The following PAX7 variants were observed in gnomAD, a reference collection of about 807,000 sequenced individuals.
The protein encoded by PAX7 is paired box protein Pax-7.
In PAX7, 18 loss-of-function variants were observed where a neutral mutation model predicts 50.7. The observed-to-expected ratio is 0.36, with a 90% CI of 0.25 to 0.53. PAX7 has a LOEUF of 0.53. PAX7 is among the 20% of genes least tolerant of loss of function. PAX7 has a pLI of 0.93. For synonymous variants in PAX7, 310 were observed against 290.4 expected, an observed-to-expected ratio of 1.07 and a Z score of -0.69; for missense variants, 644 against 702.9, an observed-to-expected ratio of 0.92 and a Z score of 0.95.
intron 1 of PAX7, among the ~76,000 whole-genome samples, chr1:18,633,791 G>C (rs1557498180): frequency 6.6e-6 from 1 of 152,164 alleles, no homozygotes; most frequent in Non-Finnish European, 1.5e-5. Context: ...CAACAAACTG[G>C]ATCATTCATG....
At chr1:18,734,278 C>A (rs1462988343) in intron 7 of PAX7, among the ~76,000 whole-genome samples, 1 of 152,172 alleles carries the variant, frequency 6.6e-6, no homozygotes, top group Non-Finnish European at 1.5e-5. Context: ...GGCAGATTAT[C>A]AGCAAAGCCG....
chr1:18,748,425 C>T lies in PAX7; in HGVS notation c.*3496C>T, dbSNP rs561512401. On this transcript the variant is annotated 3_prime_UTR_variant, in exon 9 of 9. Coordinates refer to ENST00000420770, the MANE Select transcript of PAX7 (RefSeq NM_001135254.2). ...GGGGGTACACAGGTCTTCTCTCCTC[C>T]CCTCCTGCAGAGGCACCAAAACCAA... 8.6e-6 allele frequency: 2 copies of T among 231,904 alleles called. No individual in the cohort carries two copies. Among genetic ancestry groups the T allele is most frequent in the African/African-American group, 2.2e-5 (1 of 45,352 alleles). 14.4% of individuals were successfully genotyped at this position (231,904 alleles called of 1,614,324 possible).
chr1:18,712,126 GGTGTGAACTGATGGTCA>G (rs1166674003), intron 7 of PAX7, among the ~76,000 whole-genome samples: 1 of 36,046 alleles, frequency 2.8e-5, no homozygotes, highest in Non-Finnish European at 6.6e-5. Context: ...CCAAGGCGTA[GGTGTGAACTGATGGTCA>G]GTGTGAATTG....
intron 4 of PAX7, among the ~76,000 whole-genome samples, chr1:18,676,783 G>A (rs1310263907): frequency 6.6e-6 from 1 of 152,148 alleles, no homozygotes; most frequent in Non-Finnish European, 1.5e-5. Flanking sequence ...CCAGCAACAG[G>A]CATTGTTGAG....
chr1:18,672,361 A>G (rs2088761530), intron 4 of PAX7, among the ~76,000 whole-genome samples: 1 of 150,158 alleles, frequency 6.7e-6, no homozygotes, highest in Non-Finnish European at 1.5e-5. Flanking sequence ...TAAGATTCTT[A>G]TAATAAAATA....
At chr1:18,731,816 C>T (rs573855815) in intron 7 of PAX7, among the ~76,000 whole-genome samples, 15 of 152,248 alleles carry the variant, frequency 9.9e-5, no homozygotes, top group African/African-American at 2.9e-4. Context: ...AATCCCATTA[C>T]GGGAAAAGCT....
intron 4 of PAX7, among the ~76,000 whole-genome samples, chr1:18,661,753 C>T (rs1479874193): frequency 6.6e-6 from 1 of 152,212 alleles, no homozygotes; most frequent in Non-Finnish European, 1.5e-5. Flanking sequence ...CTGGGCCTGG[C>T]CTTTGAAGCT....
chr1:18,674,047 T>A (rs2088791212), intron 4 of PAX7, among the ~76,000 whole-genome samples: 1 of 152,214 alleles, frequency 6.6e-6, no homozygotes. Flanking sequence ...AACAATCACG[T>A]TGGCTTGAAG....
chr1:18,664,746 G>T (rs2088644584), intron 4 of PAX7, among the ~76,000 whole-genome samples: 1 of 152,108 alleles, frequency 6.6e-6, no homozygotes, highest in African/African-American at 2.4e-5. Context: ...GATCAGGAAG[G>T]TGAGCCCCCG....
chr1:18,681,503 C>A (rs1250655904), intron 4 of PAX7, among the ~76,000 whole-genome samples: 5 of 152,080 alleles, frequency 3.3e-5, no homozygotes, highest in Non-Finnish European at 7.3e-5. Flanking sequence ...CTACACAGTA[C>A]CATTTCCAGC....
chr1:18,724,890 C>T (rs948491048), intron 7 of PAX7, among the ~76,000 whole-genome samples: 6 of 152,180 alleles, frequency 3.9e-5, no homozygotes, highest in Non-Finnish European at 8.8e-5. Flanking sequence ...GCCACATAGC[C>T]ACAGCAAGGC....
chr1:18,650,121 A>C (rs1160748211), intron 4 of PAX7, among the ~76,000 whole-genome samples: 1 of 152,188 alleles, frequency 6.6e-6, no homozygotes. Context: ...TTCCCATCCA[A>C]GGCTACTCTG....
chr1:18,748,730 C>T lies in PAX7; in HGVS notation c.*3801C>T, dbSNP rs1252573119. The T allele has an allele frequency of 1.3e-5, 3 of 230,986 alleles. No individual in the cohort carries two copies. The highest frequency in any genetic ancestry group is 6.1e-5 in the East Asian group (1 of 16,372). The allele number at this position is 230,986 out of a possible 1,614,324, so 14.3% of individuals were successfully genotyped here. A position where few individuals can be genotyped will look rare whatever the true frequency, so the allele number is the denominator to read the frequency against. On this transcript the variant is annotated 3_prime_UTR_variant, in exon 9 of 9. Transcript: ENST00000420770. ...CGTGAGGTGTGTGTTTAAATATAAT[C>T]ACACCATAATTTATTCAGCTATATG...
At position 18,643,880 on chromosome 1, in the gene PAX7, AC is replaced by A. The variant is rs566728089; in HGVS notation, c.586+7512del. ...GCGGGAGGCCGGGTTCTGCGCTCCAACCCGGGGCGCTGGGCAGGGGCCAGCC... is the reference window on the plus strand; with the variant it reads ...GCGGGAGGCCGGGTTCTGCGCTCCAACCGGGGCGCTGGGCAGGGGCCAGCC... On this transcript the variant is annotated intron_variant, in intron 4 of 8. Transcript: ENST00000420770. 3.4e-4 allele frequency among the ~76,000 whole-genome samples: 52 copies of A among 151,664 alleles called. No individual in the cohort carries two copies. In the East Asian group the frequency reaches 0.01, roughly 29 times the overall value.
At chr1:18,667,005 C>T (rs544074955) in intron 4 of PAX7, among the ~76,000 whole-genome samples, 12 of 152,202 alleles carry the variant, frequency 7.9e-5, no homozygotes, top group South Asian at 4.1e-4. Flanking sequence ...GTCCCTGAGA[C>T]GCTCCGTAGC....
chr1:18,737,880 G>A (rs377261879), intron 8 of PAX7, among the ~76,000 whole-genome samples: 5 of 152,344 alleles, frequency 3.3e-5, no homozygotes, highest in South Asian at 4.1e-4. Context: ...ATATGTATGC[G>A]TGTGTATAGA....
chr1:18,715,588 G>C (rs553416462), intron 7 of PAX7, among the ~76,000 whole-genome samples: 1 of 152,260 alleles, frequency 6.6e-6, no homozygotes, highest in African/African-American at 2.4e-5. Context: ...GAGCAGGGGG[G>C]TCAAGATGCA....
At chr1:18,650,787 C>G (rs961249892) in intron 4 of PAX7, among the ~76,000 whole-genome samples, 3 of 152,152 alleles carry the variant, frequency 2.0e-5, no homozygotes, top group Non-Finnish European at 4.4e-5. Context: ...AGTATTATGC[C>G]AGGCACCATG....
rs779472551 is a variant in PAX7, at chr1:18,691,842, G to A, written c.675G>A (p.Thr225=). ...RKQRRSRTTF[T]AEQLEELEKA... is the part of the protein sequence containing the mutation. ...AGCGACGCAGTCGGACCACATTCAC[G>A]GCCGAGCAGCTGGAGGAGCTGGAGA... The change falls in exon 5 of 9, where the codon ACG becomes ACA. Residue 225 remains threonine (T), a synonymous_variant. Coordinates refer to ENST00000420770, the MANE Select transcript of PAX7 (RefSeq NM_001135254.2). The A allele has an allele frequency of 1.1e-5, 17 of 1,613,570 alleles. No homozygotes were observed. Among genetic ancestry groups the A allele is most frequent in the African/African-American group, 6.7e-5 (5 of 74,920 alleles).
Sources: gnomAD v4.1 joint callset for allele counts (sites outside exome capture counted in the v4.1 genomes callset) on GRCh38, gnomAD v4.1.1 for gene constraint, MANE v1.5 for transcripts, NCBI Gene and HGNC (gene_info 2026-07-23, HGNC 2026-07-21) for gene names.